SNAP23: variants seen among roughly 807,000 people sequenced by gnomAD.
The protein encoded by SNAP23 is synaptosome associated protein 23.
SNAP23 carries 11 observed loss-of-function variants against 29.0 expected under a neutral mutation model. The ratio of observed to expected loss-of-function variants is 0.38; its 90% confidence interval spans 0.24 to 0.63. The LOEUF (loss-of-function observed/expected upper bound fraction) is 0.63, where lower values mean the gene tolerates loss of function less well. Among genes scored for constraint, SNAP23 ranks in the 20% least tolerant of loss-of-function variants. The pLI, the probability that SNAP23 is intolerant of heterozygous loss-of-function variation, is 0.58. For synonymous variants in SNAP23, 60 were observed against 82.9 expected, an observed-to-expected ratio of 0.72 and a Z score of 1.50; for missense variants, 220 against 253.9, an observed-to-expected ratio of 0.87 and a Z score of 0.91.
upstream of SNAP23, chr15:42,493,017 T>C (rs2057187241): frequency 6.6e-6 from 1 of 152,212 alleles, no homozygotes; most frequent in African/African-American, 2.4e-5. Context: ...ACATATACTT[T>C]TTTGTCAGGG....
At chr15:42,519,842 G>A (rs918465438) in intron 5 of SNAP23, among the ~76,000 whole-genome samples, 1 of 152,058 alleles carries the variant, frequency 6.6e-6, no homozygotes, top group African/African-American at 2.4e-5. Context: ...ATGTGGTACT[G>A]TCCAAAACAT....
intron 1 of SNAP23, among the ~76,000 whole-genome samples, chr15:42,509,808 C>T (rs772915224): frequency 2.0e-4 from 30 of 152,282 alleles, no homozygotes; most frequent in South Asian, 4.1e-4. Context: ...GTGGCTCAGG[C>T]CTGCAATCTG....
Position 42,515,338 on chromosome 15 carries a change from G to C in SNAP23, c.250G>C (p.Val84Leu). The C allele has an allele frequency of 6.3e-7, 1 of 1,598,004 alleles. No individual in the cohort carries two copies. Among genetic ancestry groups the C allele is most frequent in the East Asian group, 2.2e-5 (1 of 44,648 alleles). Residue 84 changes from valine (V) to leucine (L), a missense_variant, in exon 5 of 8, where the codon GTC becomes CTC. Val to Leu is a conservative substitution (Grantham distance 32). Transcript: ENST00000249647. The part of the protein sequence containing the change: ...TELNKCCGLC[V>L]CPCNRTKNFE... ...ACTCAACAAATGCTGTGGCCTTTGT[G>C]TCTGCCCATGTAATAGGTGAGTTGA...
intron 5 of SNAP23, chr15:42,521,454 A>G: frequency 1.0e-6 from 1 of 982,814 alleles, no homozygotes; most frequent in Non-Finnish European, 1.2e-6. Context: ...CTAGATTCTC[A>G]GATGTTGGTT....
intron 5 of SNAP23, among the ~76,000 whole-genome samples, chr15:42,519,575 G>A (rs1207943228): frequency 1.4e-4 from 21 of 151,528 alleles, no homozygotes; most frequent in African/African-American, 4.9e-4. Context: ...TTGCCATGTT[G>A]GCCAGGATGG....
chr15:42,519,371 CT>C (rs770746162), intron 5 of SNAP23, among the ~76,000 whole-genome samples: 7 of 146,390 alleles, frequency 4.8e-5, no homozygotes, highest in Admixed American at 2.7e-4. Flanking sequence ...CTTTTCTTTT[CT>C]TTTTCTTTTT....
rs979835759 is a variant in SNAP23, at chr15:42,512,776, C to T, written c.58-179C>T. Reference sequence around the variant, plus strand: ...TGTTGTCTGGGCTGGTCTTGAGCTCCGGTACTCAAGAAATCCTCCTGCCTC... The same window carrying T: ...TGTTGTCTGGGCTGGTCTTGAGCTCTGGTACTCAAGAAATCCTCCTGCCTC... On this transcript the variant is annotated intron_variant, in intron 2 of 7. Transcript: ENST00000249647. Among the ~76,000 whole-genome samples, 11 of 151,362 alleles carry T rather than the reference C, an allele frequency of 7.3e-5. No individual in the cohort carries two copies. In the South Asian group the frequency reaches 2.3e-3, roughly 32 times the overall value.
chr15:42,518,456 G>C lies in SNAP23; in HGVS notation c.266+3102G>C, dbSNP rs912654324. Among the ~76,000 whole-genome samples the C allele has an allele frequency of 4.9e-5, 7 of 142,604 alleles. No individual in the cohort carries two copies. The Admixed American group carries it at 5.1e-4, about 10-fold the overall frequency. The allele number at this position is 142,604 out of a possible 152,430, so 93.6% of individuals were successfully genotyped here. The stretch of plus-strand genomic sequence containing the variant: ...TCTTTTTTTTTTTTTTTTTTCTCGA[G>C]ACAGGGTCTCGCTCTGTTACCCAGG... On this transcript the variant is annotated intron_variant, in intron 5 of 7. Coordinates refer to ENST00000249647, the MANE Select transcript of SNAP23 (RefSeq NM_003825.4).
intron 5 of SNAP23, among the ~76,000 whole-genome samples, chr15:42,525,084 T>C (rs527953011): frequency 5.9e-5 from 9 of 152,214 alleles, no homozygotes; most frequent in African/African-American, 1.9e-4. Flanking sequence ...AAATTCAAAG[T>C]CAGCTGGGCG....
chr15:42,511,069 A>G (rs2057355113), intron 1 of SNAP23, among the ~76,000 whole-genome samples: 1 of 152,190 alleles, frequency 6.6e-6, no homozygotes, highest in South Asian at 2.1e-4. Flanking sequence ...GCTTGTTATT[A>G]CTCCACATGA....
At chr15:42,508,911 T>C (rs971527295) in intron 1 of SNAP23, among the ~76,000 whole-genome samples, 7 of 152,312 alleles carry the variant, frequency 4.6e-5, no homozygotes, top group Admixed American at 6.5e-5. Flanking sequence ...CAGGCACTAA[T>C]GGATTAGTGT....
chr15:42,495,361 G>T (rs2141491674), upstream of SNAP23: 1 of 152,352 alleles, frequency 6.6e-6, no homozygotes, highest in East Asian at 1.9e-4. Context: ...GCGATGAAGA[G>T]CAGGGAAAGC....
intron 3 of SNAP23, 138 bp downstream of exon 3, chr15:42,513,134 C>A (rs2057369977): frequency 1.3e-6 from 1 of 787,602 alleles, no homozygotes; most frequent in Non-Finnish European, 2.2e-6. Context: ...AAATGTCAAA[C>A]CATGCACTAA....
chr15:42,505,628 T>TC (rs2057310852), intron 1 of SNAP23: 1 of 149,970 alleles, frequency 6.7e-6, no homozygotes, highest in Admixed American at 6.7e-5. Flanking sequence ...TGATCTCGGC[T>TC]CACTGCGACC....
At chr15:42,524,049 C>T (rs1460300376) in intron 5 of SNAP23, among the ~76,000 whole-genome samples, 1 of 152,092 alleles carries the variant, frequency 6.6e-6, no homozygotes, top group Non-Finnish European at 1.5e-5. Context: ...AACTCCTGAC[C>T]TCACGATCCA....
chr15:42,514,829 G>A (rs905724460), intron 4 of SNAP23, among the ~76,000 whole-genome samples: 3 of 151,032 alleles, frequency 2.0e-5, no homozygotes, highest in Non-Finnish European at 4.4e-5. Flanking sequence ...CAGCCTCCCA[G>A]GTAGCTAGGA....
At chr15:42,500,734 A>C (rs887510180) in intron 1 of SNAP23, among the ~76,000 whole-genome samples, 1 of 152,198 alleles carries the variant, frequency 6.6e-6, no homozygotes, top group Non-Finnish European at 1.5e-5. Flanking sequence ...AACTTGAAAC[A>C]GAAGGATCCA....
At chr15:42,512,809 C>G in intron 2 of SNAP23, 146 bp from the exon 3 acceptor site, 1 of 621,762 alleles carries the variant, frequency 1.6e-6, no homozygotes, top group Non-Finnish European at 2.9e-6. Flanking sequence ...CTCGGCCTCC[C>G]AAAGTGCTGG....
chr15:42,494,588 C>T (rs1399783350), upstream of SNAP23, among the ~76,000 whole-genome samples: 2 of 151,280 alleles, frequency 1.3e-5, no homozygotes, highest in Non-Finnish European at 2.9e-5. Context: ...TGATCTTGGC[C>T]CACTGCAACC....
Sources: gnomAD v4.1 joint callset for allele counts (sites outside exome capture counted in the v4.1 genomes callset) on GRCh38, gnomAD v4.1.1 for gene constraint, MANE v1.5 for transcripts, NCBI Gene and HGNC (gene_info 2026-07-23, HGNC 2026-07-21) for gene names.